Variants in CAST observed in about 807,000 individuals in gnomAD.
The protein encoded by CAST is MIR583 host.
In CAST, 76 loss-of-function variants were observed where a neutral mutation model predicts 119.6. That is an observed-to-expected ratio of 0.64 (90% confidence interval 0.53 to 0.77). The LOEUF is 0.77. Ranked by LOEUF, CAST falls within the 30% of genes least tolerant of loss-of-function variation. The pLI is 0.00. For missense variants in CAST, 953 were observed against 946.5 expected (o/e 1.01, Z -0.09); for synonymous variants, 319 against 331.6 (o/e 0.96, Z 0.41).
chr5:96,125,941 G>A, the CAST span, among the ~76,000 whole-genome samples: 2 of 152,108 alleles, frequency 1.3e-5, no homozygotes, highest in African/African-American at 4.8e-5. Context: ...ACTTTAACAA[G>A]CATGAGGAGG....
the CAST span, among the ~76,000 whole-genome samples, chr5:96,051,644 G>C: frequency 6.6e-6 from 1 of 152,088 alleles, no homozygotes; most frequent in Admixed American, 6.6e-5. Context: ...CCTTTTAGGG[G>C]AGACCGTCAA....
the CAST span, among the ~76,000 whole-genome samples, chr5:96,310,953 T>G: frequency 6.6e-6 from 1 of 151,978 alleles, no homozygotes. Flanking sequence ...TATGTATTAT[T>G]TCTTTCCTTT....
the CAST span, among the ~76,000 whole-genome samples, chr5:96,302,499 A>G: frequency 6.6e-6 from 1 of 152,064 alleles, no homozygotes; most frequent in Non-Finnish European, 1.5e-5. Flanking sequence ...TTTTCCATTT[A>G]TGCTCTGCTT....
chr5:96,515,046 C>T, the CAST span, among the ~76,000 whole-genome samples: 13 of 152,248 alleles, frequency 8.5e-5, no homozygotes, highest in East Asian at 1.9e-4. Flanking sequence ...CCACTGTGCA[C>T]GGCCAGTGCT....
chr5:96,269,052 T>C, the CAST span, among the ~76,000 whole-genome samples: 44 of 152,306 alleles, frequency 2.9e-4, no homozygotes, highest in Admixed American at 2.4e-3. Context: ...CCACCATGAT[T>C]ATAAATTTCC....
At chr5:96,126,521 C>CT in the CAST span, among the ~76,000 whole-genome samples, 1 of 151,838 alleles carries the variant, frequency 6.6e-6, no homozygotes, top group Non-Finnish European at 1.5e-5. Context: ...AAAACCTCAT[C>CT]TTTTTTTTCC....
chr5:96,200,610 C>G, the CAST span, among the ~76,000 whole-genome samples: 1 of 152,104 alleles, frequency 6.6e-6, no homozygotes, highest in Non-Finnish European at 1.5e-5. Flanking sequence ...TAATTCTTAC[C>G]TGTTAATTGA....
chr5:96,390,018 C>G, the CAST span, among the ~76,000 whole-genome samples: 1 of 152,128 alleles, frequency 6.6e-6, no homozygotes, highest in Non-Finnish European at 1.5e-5. Flanking sequence ...TTTACTCTAG[C>G]CTGTAAACTA....
chr5:96,462,606 A>C, the CAST span, among the ~76,000 whole-genome samples: 2 of 152,104 alleles, frequency 1.3e-5, no homozygotes, highest in African/African-American at 2.4e-5. Context: ...TCCACTTCTC[A>C]ATAAAAATTT....
At chr5:96,716,783 G>C (rs954418516) in intron 3 of CAST, among the ~76,000 whole-genome samples, 1 of 152,088 alleles carries the variant, frequency 6.6e-6, no homozygotes, top group Non-Finnish European at 1.5e-5. Flanking sequence ...TTTTAATTTA[G>C]AAAATGTTTT....
At chr5:96,476,072 G>C in the CAST span, among the ~76,000 whole-genome samples, 2 of 152,300 alleles carry the variant, frequency 1.3e-5, no homozygotes, top group East Asian at 3.9e-4. Flanking sequence ...TTCTTCACTA[G>C]CTGTTGAACA....
chr5:96,453,945 AAAC>A, the CAST span, among the ~76,000 whole-genome samples: 7 of 152,236 alleles, frequency 4.6e-5, no homozygotes, highest in African/African-American at 1.7e-4. Flanking sequence ...ATCCAGACCA[AAAC>A]AACAACAATA....
chr5:96,121,594 A>G, the CAST span, among the ~76,000 whole-genome samples: 1 of 152,166 alleles, frequency 6.6e-6, no homozygotes, highest in Non-Finnish European at 1.5e-5. Flanking sequence ...CTGAAGTTGA[A>G]TCAAGCCAAG....
At chr5:96,766,017 A>G in intron 26 of CAST, 36 bp from the exon 27 acceptor site, 1 of 1,147,048 alleles carries the variant, frequency 8.7e-7, no homozygotes, top group East Asian at 2.4e-5. Flanking sequence ...GAAAGAGGAA[A>G]TGAATATTAA....
At chr5:96,274,183 G>A in the CAST span, among the ~76,000 whole-genome samples, 1 of 151,166 alleles carries the variant, frequency 6.6e-6, no homozygotes, top group South Asian at 2.1e-4. Flanking sequence ...CTCATTGCAA[G>A]CTCCGCCTCC....
chr5:96,421,993 TAAAAAAAAAAA>T, the CAST span: 1,408 of 356,924 alleles, frequency 3.9e-3, no homozygotes, highest in East Asian at 4.5e-3. Context: ...GTGGCAGCAT[TAAAAAAAAAAA>T]AAAAAAAAAA....
chr5:96,433,001 G>A, the CAST span: 28 of 1,614,116 alleles, frequency 1.7e-5, no homozygotes, highest in East Asian at 2.2e-5. Flanking sequence ...CGCAAAAGAG[G>A]ACGAAAGCAG....
At chr5:96,525,413 T>C (rs1045679449), upstream of CAST, 1 of 152,156 alleles carries the variant, frequency 6.6e-6, no homozygotes, top group Non-Finnish European at 1.5e-5. Flanking sequence ...GCCAGTGATA[T>C]TGATGATTTA....
the CAST span, among the ~76,000 whole-genome samples, chr5:96,203,442 T>C: frequency 6.6e-6 from 1 of 152,144 alleles, no homozygotes; most frequent in Non-Finnish European, 1.5e-5. Context: ...ACACAAATTA[T>C]ATTGAAAGGG....
Sources: allele counts gnomAD v4.1 joint callset (sites outside exome capture counted in the v4.1 genomes callset), GRCh38; gene constraint gnomAD v4.1.1; transcripts MANE v1.5; gene names NCBI Gene and HGNC (gene_info 2026-07-23, HGNC 2026-07-21).